Variants in DPP6 observed in about 807,000 individuals in gnomAD.
The protein encoded by DPP6 is dipeptidyl peptidase like 6.
A neutral mutation model predicts 122.6 loss-of-function variants in DPP6; 69 were observed. The ratio of observed to expected loss-of-function variants is 0.56; its 90% confidence interval spans 0.46 to 0.69. The LOEUF (loss-of-function observed/expected upper bound fraction) is 0.69. DPP6 is among the 30% of genes least tolerant of loss of function. The pLI is 0.00. For synonymous variants in DPP6, 418 were observed against 433.1 expected (o/e 0.97, Z 0.43); for missense variants, 928 against 1,116.9 (o/e 0.83, Z 2.41).
intron 1 of DPP6, among the ~76,000 whole-genome samples, chr7:154,353,167 G>T (rs1405863181): frequency 6.6e-6 from 1 of 152,208 alleles, no homozygotes; most frequent in Admixed American, 6.5e-5. Flanking sequence ...TGGGTGACCT[G>T]TAACCACATT....
chr7:154,794,158 T>A lies in DPP6; in HGVS notation c.1216T>A (p.Ser406Thr), dbSNP rs1161146688. Residue 406 changes from serine to threonine, a missense_variant, in exon 11 of 26, where the codon TCC becomes ACC. Ser to Thr is a moderately conservative substitution (Grantham distance 58). Transcript: ENST00000377770. The stretch of plus-strand genomic sequence containing the variant: ...CTGGCTGAACCGGGCGCAGAACGTG[T>A]CCATCCTCACCCTCTGCGACGCCAC... The part of the protein sequence containing the change: ...VTWLNRAQNV[S>T]ILTLCDATTG... 6 of 1,612,850 alleles carry A rather than the reference T, an allele frequency of 3.7e-6. No homozygotes were observed. The highest frequency in any genetic ancestry group is 5.1e-6 in the Non-Finnish European group (6 of 1,179,396).
intron 1 of DPP6, among the ~76,000 whole-genome samples, chr7:154,323,271 GT>G (rs1299460235): frequency 6.6e-6 from 1 of 151,828 alleles, no homozygotes; most frequent in African/African-American, 2.4e-5. Context: ...TTTATGTATA[GT>G]TCTTTAAATT....
the DPP6 span, among the ~76,000 whole-genome samples, chr7:153,879,229 G>T: frequency 6.6e-6 from 1 of 152,178 alleles, no homozygotes; most frequent in Admixed American, 6.6e-5. Context: ...GTCCAGCAGA[G>T]AGAAGTGTTC....
intron 1 of DPP6, among the ~76,000 whole-genome samples, chr7:154,390,786 C>T (rs1358652417): frequency 6.6e-6 from 1 of 152,144 alleles, no homozygotes; most frequent in Non-Finnish European, 1.5e-5. Flanking sequence ...CATTCATGAC[C>T]CCCATCCTGT....
intron 2 of DPP6, among the ~76,000 whole-genome samples, chr7:154,464,188 G>A (rs374215748): frequency 9.1e-4 from 139 of 152,292 alleles, no homozygotes; most frequent in African/African-American, 3.0e-3. Flanking sequence ...TGCTCCGTCC[G>A]TGGGAATTGA....
chr7:154,011,038 G>T (rs1798130665), intron 1 of DPP6, among the ~76,000 whole-genome samples: 1 of 152,200 alleles, frequency 6.6e-6, no homozygotes, highest in Non-Finnish European at 1.5e-5. Context: ...CATTGAGAAT[G>T]TTGTTGAGTG....
intron 1 of DPP6, among the ~76,000 whole-genome samples, chr7:154,135,683 C>T (rs928831849): frequency 5.1e-4 from 77 of 152,060 alleles, no homozygotes; most frequent in African/African-American, 1.7e-3. Flanking sequence ...TGTGAGCACA[C>T]AGTTCCTCTC....
chr7:154,305,313 T>C, intron 1 of DPP6: 1 of 1,359,246 alleles, frequency 7.4e-7, no homozygotes, highest in Non-Finnish European at 9.5e-7. Context: ...TGCTTGCATT[T>C]AAAGAGCAAA....
At chr7:153,815,193 C>T in the DPP6 span, among the ~76,000 whole-genome samples, 5 of 152,092 alleles carry the variant, frequency 3.3e-5, no homozygotes, top group Non-Finnish European at 5.9e-5. Flanking sequence ...ATGACATGAT[C>T]GTATATCTAG....
At chr7:154,233,419 C>T (rs893194796) in intron 1 of DPP6, among the ~76,000 whole-genome samples, 5 of 152,126 alleles carry the variant, frequency 3.3e-5, no homozygotes, top group Admixed American at 6.5e-5. Context: ...GGTGCCCACC[C>T]GAAATTCATA....
chr7:154,311,184 A>G (rs954731684), intron 1 of DPP6, among the ~76,000 whole-genome samples: 1 of 152,192 alleles, frequency 6.6e-6, no homozygotes. Flanking sequence ...GCCTTAAATC[A>G]TGGAAGTAGG....
In DPP6 at chr7:154,744,931, T is replaced by C. The variant is rs529603313; in HGVS notation, c.883+17044T>C. Among the ~76,000 whole-genome samples, 8 of 152,298 alleles carry C rather than the reference T, an allele frequency of 5.3e-5. 1 individual carries two copies. The highest frequency in any genetic ancestry group is 1.7e-4 in the African/African-American group (7 of 41,562). Reference sequence around the variant, plus strand: ...CAGGGGGCTGTGTTATTTAGGATGATCCGAAACGCGACCTTGCTGCCTGCA... The same window carrying C: ...CAGGGGGCTGTGTTATTTAGGATGACCCGAAACGCGACCTTGCTGCCTGCA... On this transcript the variant is annotated intron_variant, in intron 8 of 25. Coordinates refer to ENST00000377770, the MANE Select transcript of DPP6 (RefSeq NM_130797.4).
intron 8 of DPP6, among the ~76,000 whole-genome samples, chr7:154,757,675 T>C (rs533229009): frequency 3.3e-5 from 5 of 152,192 alleles, no homozygotes; most frequent in Non-Finnish European, 7.4e-5. Context: ...TGGCCTCTTA[T>C]CTATCCTCTG....
intron 17 of DPP6, among the ~76,000 whole-genome samples, chr7:154,866,876 G>T (rs551200414): frequency 6.6e-6 from 1 of 152,136 alleles, no homozygotes; most frequent in South Asian, 2.1e-4. Flanking sequence ...CTTGAATAAA[G>T]CCACAGCCCC....
intron 1 of DPP6, among the ~76,000 whole-genome samples, chr7:153,981,820 A>G (rs1176872764): frequency 3.3e-5 from 5 of 151,988 alleles, no homozygotes; most frequent in African/African-American, 1.2e-4. Flanking sequence ...TTGGCAGGAT[A>G]TGAAATTCTG....
chr7:154,133,348 G>A lies in DPP6; in HGVS notation c.243+80285G>A, dbSNP rs140867850. The stretch of plus-strand genomic sequence containing the variant: ...CCTTCCTGGGGATTAGTCAATGTGA[G>A]GGTGGCTCCAATACTGTGTTTCTGT... On this transcript the variant is annotated intron_variant, in intron 1 of 25. Coordinates refer to ENST00000377770, the MANE Select transcript of DPP6 (RefSeq NM_130797.4). Among the ~76,000 whole-genome samples, 727 of 152,230 alleles carry A rather than the reference G, an allele frequency of 4.8e-3. 5 individuals carry two copies. The highest frequency in any genetic ancestry group is 0.017 in the African/African-American group (697 of 41,528).
chr7:154,884,024 ATACACT>A (rs1293800392), intron 21 of DPP6: 1 of 138,560 alleles, frequency 7.2e-6, no homozygotes, highest in African/African-American at 2.9e-5. Flanking sequence ...ACGCTCACAC[ATACACT>A]CACACACACC....
rs1463024260 is a variant in DPP6 at position 154,095,687 on chromosome 7, G to C, written c.243+42624G>C. ...AGAAGTCTTCACAAGGTCTTTTCCG[G>C]TGTTCTGCTTTTTCCTGGGAGGCGG... On this transcript the variant is annotated intron_variant, in intron 1 of 25. Transcript: ENST00000377770. 4.6e-4 allele frequency: 52 copies of C among 113,116 alleles called. 2 individuals carry two copies. The highest frequency in any genetic ancestry group is 1.6e-3 in the African/African-American group (51 of 32,038). The allele number at this position is 113,116 out of a possible 1,614,324, so 7.0% of individuals were successfully genotyped here.
chr7:154,875,909 TGGCACCCCA>T lies in DPP6; in HGVS notation c.1892_1900del (p.Thr631_Gly633del). On this transcript the variant is annotated inframe_deletion, in exon 20 of 26. Coordinates refer to ENST00000377770, the MANE Select transcript of DPP6 (RefSeq NM_130797.4). The surrounding 1 kb of genome is among the most constrained non-coding windows in gnomAD (Gnocchi z 4.5). ...GAGCCCGGGATTCTCTTTCCAGGGA[TGGCACCCCA>T]GGCAGCCAGAGTGTGGCTGAGAAGT... is the stretch of plus-strand genomic sequence containing the variant. 6.2e-7 allele frequency: 1 copy of T among 1,608,696 alleles called. No homozygotes were observed.
Sources: allele counts gnomAD v4.1 joint callset (sites outside exome capture counted in the v4.1 genomes callset), GRCh38; gene constraint gnomAD v4.1.1; non-coding constraint Gnocchi (gnomAD v3.1); transcripts MANE v1.5; gene names NCBI Gene and HGNC (gene_info 2026-07-23, HGNC 2026-07-21).